PHLDB2: variants seen among roughly 807,000 people sequenced by gnomAD.
PHLDB2 encodes pleckstrin homology like domain family B member 2.
PHLDB2 carries 71 observed loss-of-function variants against 123.6 expected under a neutral mutation model. That is an observed-to-expected ratio of 0.57 (90% CI 0.47 to 0.70). The LOEUF (loss-of-function observed/expected upper bound fraction) is 0.70. Ranked by LOEUF, PHLDB2 falls within the 30% of genes least tolerant of loss-of-function variation. The pLI is 0.00. For synonymous variants in PHLDB2, 547 were observed against 541.6 expected, an observed-to-expected ratio of 1.01 and a Z score of -0.14; for missense variants, 1,446 against 1,519.5, an observed-to-expected ratio of 0.95 and a Z score of 0.80.
At chr3:111,770,308 A>T (rs1393097213) in intron 1 of PHLDB2, among the ~76,000 whole-genome samples, 1 of 152,214 alleles carries the variant, frequency 6.6e-6, no homozygotes, top group African/African-American at 2.4e-5. Flanking sequence ...CTTTGTAAGA[A>T]AGCTCATTAT....
In PHLDB2 at chr3:111,884,506, A is replaced by G; in HGVS notation, c.429A>G (p.Ser143=). 6.2e-7 allele frequency: 1 copy of G among 1,614,112 alleles called. No homozygotes were observed. Among genetic ancestry groups the G allele is most frequent in the Non-Finnish European group, 8.5e-7 (1 of 1,179,948 alleles). ...ACAGTGAAAGGGCCTTGAGGCTCTCAGAGAAGCCTCCCTATTCCAAATATA... is the reference window on the plus strand; with the variant it reads ...ACAGTGAAAGGGCCTTGAGGCTCTCGGAGAAGCCTCCCTATTCCAAATATA... ...GRDSERALRL[S]EKPPYSKYSS... Residue 143 remains serine (S), a synonymous_variant, in exon 2 of 18, where the codon TCA becomes TCG. Transcript: ENST00000431670.
At chr3:111,955,217 G>A (rs114428289) in intron 12 of PHLDB2, among the ~76,000 whole-genome samples, 3,100 of 150,950 alleles carry the variant, frequency 0.021, 127 homozygotes, top group African/African-American at 0.07. Context: ...AAATTAGAGG[G>A]TATAGTATTC....
intron 1 of PHLDB2, among the ~76,000 whole-genome samples, chr3:111,750,423 T>G (rs921651598): frequency 2.6e-5 from 4 of 152,188 alleles, no homozygotes; most frequent in Non-Finnish European, 5.9e-5. Context: ...ATTCTGCAAG[T>G]TAGTTCATGA....
intron 1 of PHLDB2, among the ~76,000 whole-genome samples, chr3:111,875,828 A>C (rs2065586545): frequency 6.6e-6 from 1 of 152,030 alleles, no homozygotes; most frequent in African/African-American, 2.4e-5. Flanking sequence ...CTCAAAAAAA[A>C]AAAAAAAAGA....
At chr3:111,896,642 C>T (rs1037520007) in intron 2 of PHLDB2, among the ~76,000 whole-genome samples, 5 of 151,938 alleles carry the variant, frequency 3.3e-5, no homozygotes, top group African/African-American at 7.3e-5. Flanking sequence ...TGAGCCACCG[C>T]GTCCAGGCTG....
chr3:111,774,576 T>C (rs1027321180), intron 1 of PHLDB2, among the ~76,000 whole-genome samples: 5 of 152,156 alleles, frequency 3.3e-5, no homozygotes, highest in Admixed American at 2.0e-4. Context: ...TGGAGTGGTT[T>C]TCATGGTTTT....
chr3:111,939,528 G>C lies in PHLDB2; in HGVS notation c.2184G>C (p.Gln728His). ...AACACTTTGAAGACCTGGAGTTCCA[G>C]CAGCTTGAACATGAGAGCCGTCTAG... Reference protein sequence around the residue: ...ESKHFEDLEFQQLEHESRLDE... With the variant: ...ESKHFEDLEFHQLEHESRLDE... Residue 728 changes from glutamine (Q) to histidine (H), a missense_variant, in exon 7 of 18, where the codon CAG becomes CAC. Gln to His is a conservative substitution (Grantham distance 24). Transcript: ENST00000431670. The C allele has an allele frequency of 6.2e-7, 1 of 1,613,724 alleles. No homozygotes were observed. The highest frequency in any genetic ancestry group is 8.5e-7 in the Non-Finnish European group (1 of 1,179,816).
intron 1 of PHLDB2, among the ~76,000 whole-genome samples, chr3:111,879,296 AG>A (rs2065818554): frequency 1.3e-5 from 2 of 152,200 alleles, no homozygotes; most frequent in Admixed American, 6.6e-5. Flanking sequence ...GTATGTGTCC[AG>A]GAATTTGTCC....
rs2066284851 is a variant in PHLDB2, at chr3:111,888,195, A to G, written c.1335+2783A>G. ...TTACCCGTACAAAATTATCTTAAGGAAGGGCAACTTTCTCATTTGATTTGA... is the reference window on the plus strand; with the variant it reads ...TTACCCGTACAAAATTATCTTAAGGGAGGGCAACTTTCTCATTTGATTTGA... On this transcript the variant is annotated intron_variant, in intron 2 of 17. Transcript: ENST00000431670. Among the ~76,000 whole-genome samples the G allele has an allele frequency of 1.2e-4, 19 of 152,178 alleles. No individual in the cohort carries two copies. The South Asian group carries it at 3.9e-3, about 32-fold the overall frequency.
intron 1 of PHLDB2, among the ~76,000 whole-genome samples, chr3:111,809,804 A>G (rs1315681143): frequency 6.6e-6 from 1 of 152,222 alleles, no homozygotes; most frequent in African/African-American, 2.4e-5. Flanking sequence ...GACAATAGTC[A>G]TGATGTAATA....
chr3:111,953,471 A>G (rs1415917894), intron 11 of PHLDB2, among the ~76,000 whole-genome samples: 1 of 152,218 alleles, frequency 6.6e-6, no homozygotes, highest in Non-Finnish European at 1.5e-5. Flanking sequence ...TTTTTAAAAA[A>G]TGCTAAAACC....
chr3:111,803,557 A>G (rs1345003504), intron 1 of PHLDB2, among the ~76,000 whole-genome samples: 1 of 152,076 alleles, frequency 6.6e-6, no homozygotes, highest in Non-Finnish European at 1.5e-5. Flanking sequence ...TTTTCAGTGA[A>G]CTCAGGATAG....
chr3:111,745,659 G>C (rs1027888372), intron 1 of PHLDB2, among the ~76,000 whole-genome samples: 1 of 152,156 alleles, frequency 6.6e-6, no homozygotes, highest in Non-Finnish European at 1.5e-5. Context: ...CTACTCAGGA[G>C]GCTGAGACAG....
At chr3:111,921,123 A>G (rs887902623) in intron 5 of PHLDB2, among the ~76,000 whole-genome samples, 2 of 152,244 alleles carry the variant, frequency 1.3e-5, no homozygotes, top group Non-Finnish European at 2.9e-5. Flanking sequence ...TGCAAATTTT[A>G]GAATTCAGGA....
rs140607089 is a variant in PHLDB2, at chr3:111,955,286, CTGAT to C, written c.2872+1261_2872+1264del. ...AGTGGTAATATTTGAATCAAATAAA[CTGAT>C]TGAACTATTTTATTTTCTTTGCCAT... On this transcript the variant is annotated intron_variant, in intron 12 of 17. Transcript: ENST00000431670. Among the ~76,000 whole-genome samples the C allele has an allele frequency of 9.4e-3, 1,431 of 151,848 alleles. 30 individuals carry two copies. Among genetic ancestry groups the C allele is most frequent in the African/African-American group, 0.033 (1,348 of 41,380 alleles).
intron 1 of PHLDB2, among the ~76,000 whole-genome samples, chr3:111,780,367 G>C (rs1391945280): frequency 2.7e-5 from 1 of 36,418 alleles, no homozygotes; most frequent in African/African-American, 5.3e-5. Context: ...AGAAGAAGAA[G>C]AAGAAGAAGA....
At chr3:111,943,584 A>G (rs955147111) in intron 8 of PHLDB2, among the ~76,000 whole-genome samples, 1 of 152,192 alleles carries the variant, frequency 6.6e-6, no homozygotes, top group Admixed American at 6.5e-5. Flanking sequence ...AACAGGCAAA[A>G]GTCTTGAATA....
chr3:111,959,729 C>A (rs1163796201), intron 12 of PHLDB2, among the ~76,000 whole-genome samples: 1 of 152,150 alleles, frequency 6.6e-6, no homozygotes, highest in Non-Finnish European at 1.5e-5. Flanking sequence ...GGAAAAGTAG[C>A]CGAAAAACAA....
chr3:111,912,144 C>T (rs1222414320), intron 2 of PHLDB2, among the ~76,000 whole-genome samples: 1 of 152,132 alleles, frequency 6.6e-6, no homozygotes, highest in Non-Finnish European at 1.5e-5. Context: ...TCTTTTTTCA[C>T]TTTGGCCTTG....
Sources: allele counts gnomAD v4.1 joint callset (sites outside exome capture counted in the v4.1 genomes callset), GRCh38; gene constraint gnomAD v4.1.1; transcripts MANE v1.5; gene names NCBI Gene and HGNC (gene_info 2026-07-23, HGNC 2026-07-21).